TAS2R4: variants seen among roughly 807,000 people sequenced by gnomAD.
The protein encoded by TAS2R4 is taste 2 receptor member 4.
In TAS2R4, 18 loss-of-function variants were observed where a neutral mutation model predicts 14.3. That is an observed-to-expected ratio of 1.26 (90% CI 0.87 to 1.86). TAS2R4 has a LOEUF of 1.86. Ranked by LOEUF, TAS2R4 falls within the 40% of genes most tolerant of loss-of-function variation. The pLI, the probability that TAS2R4 is intolerant of heterozygous loss-of-function variation, is 0.00. For synonymous variants in TAS2R4, 130 were observed against 138.5 expected (o/e 0.94, Z 0.43); for missense variants, 306 against 342.7 (o/e 0.89, Z 0.85).
Position 141,778,481 on chromosome 7 carries a change from G to A in TAS2R4, c.-8G>A. On this transcript the variant is annotated 5_prime_UTR_variant, in exon 1 of 1. The change abolishes an upstream ATG in the 5' untranslated region. Transcript: ENST00000247881. ...GCACCACAACTGCTGAATCCTCAAT[G>A]AGTAAAGATGCTTCGGTTATTCTAT... The A allele has an allele frequency of 6.2e-7, 1 of 1,601,176 alleles. No homozygotes were observed. The highest frequency in any genetic ancestry group is 8.5e-7 in the Non-Finnish European group (1 of 1,173,840).
In TAS2R4 at chr7:141,778,851, G is replaced by C. The variant is rs1411967625; in HGVS notation, c.363G>C (p.Leu121=). 1.2e-6 allele frequency: 2 copies of C among 1,614,068 alleles called. No individual in the cohort carries two copies. Among genetic ancestry groups the C allele is most frequent in the Admixed American group, 1.7e-5 (1 of 60,006 alleles). The stretch of plus-strand genomic sequence containing the variant: ...TCCAACACTCAGTGTTTCTCCTGCT[G>C]AAGCGGAATATCTCCCCAAAGATCC... The part of the protein sequence containing the change: ...TNFQHSVFLL[L]KRNISPKIPR... The change falls in exon 1 of 1, where the codon CTG becomes CTC. Residue 121 remains leucine, a synonymous_variant. Coordinates refer to ENST00000247881, the MANE Select transcript of TAS2R4 (RefSeq NM_016944.2).
At position 141,778,569 on chromosome 7, in the gene TAS2R4, T is replaced by C; in HGVS notation, c.81T>C (p.Ile27=). The change falls in exon 1 of 1, where the codon ATT becomes ATC. Residue 27 remains isoleucine (I), a synonymous_variant. Coordinates refer to ENST00000247881, the MANE Select transcript of TAS2R4 (RefSeq NM_016944.2). The stretch of plus-strand genomic sequence containing the variant: ...TAGGAATCATTATGAATCTGTTTAT[T>C]ACAGTGGTCAATTGCAAAACTTGGG... ...NFVGIIMNLF[I]TVVNCKTWVK... The C allele has an allele frequency of 6.2e-7, 1 of 1,614,218 alleles. No homozygotes were observed. The highest frequency in any genetic ancestry group is 8.5e-7 in the Non-Finnish European group (1 of 1,180,034).
rs769543194 is a variant in TAS2R4 at position 141,779,049 on chromosome 7, C to T, written c.561C>T (p.Leu187=). Residue 187 remains leucine (L), a synonymous_variant, in exon 1 of 1, where the codon CTC becomes CTT. Transcript: ENST00000247881. ...LVVSLVLSSS[L]QFIINVTSAS... ...TTTCTTTGGTCTTGAGCTCATCTCT[C>T]CAGTTCATCATTAATGTGACTTCTG... The T allele has an allele frequency of 1.9e-6, 3 of 1,614,190 alleles. No homozygotes were observed. The highest frequency in any genetic ancestry group is 2.5e-6 in the Non-Finnish European group (3 of 1,180,028).
Position 141,781,103 on chromosome 7 carries a change from T to C in TAS2R4, c.*1715T>C, listed in dbSNP as rs566157655. ...TTGGCAGCAAATTCCATTATTGCCA[T>C]GTATGTGAGCAGAAAAGATGTATAT... On this transcript the variant is annotated 3_prime_UTR_variant, in exon 1 of 1. Coordinates refer to ENST00000247881, the MANE Select transcript of TAS2R4 (RefSeq NM_016944.2). Among the ~76,000 whole-genome samples the C allele has an allele frequency of 1.3e-5, 2 of 152,302 alleles. No homozygotes were observed. The highest frequency in any genetic ancestry group is 2.1e-4 in the South Asian group (1 of 4,804).
chr7:141,779,197 A>G lies in TAS2R4; in HGVS notation c.709A>G (p.Ile237Val). The G allele has an allele frequency of 1.2e-6, 2 of 1,614,148 alleles. No individual in the cohort carries two copies. The highest frequency in any genetic ancestry group is 1.7e-6 in the Non-Finnish European group (2 of 1,180,024). Residue 237 changes from isoleucine (I) to valine (V), a missense_variant, in exon 1 of 1, where the codon ATC (isoleucine) becomes GTC (valine). By Grantham distance (29) the Ile-to-Val change is conservative. Transcript: ENST00000247881. Reference sequence around the variant, plus strand: ...TATGAAGCTGATGGTCTATTTCCTCATCCTCTACATTCCATATTCAGTTGC... The same window carrying G: ...TATGAAGCTGATGGTCTATTTCCTCGTCCTCTACATTCCATATTCAGTTGC... ...GAMKLMVYFL[I>V]LYIPYSVATL...
In TAS2R4 at chr7:141,778,450, C is replaced by T. The variant is rs1452631989; in HGVS notation, c.-39C>T. On this transcript the variant is annotated 5_prime_UTR_variant, in exon 1 of 1. Coordinates refer to ENST00000247881, the MANE Select transcript of TAS2R4 (RefSeq NM_016944.2). ...CATTTTGGTATTTCTTCTGCCTCCA[C>T]TATCAGCACCACAACTGCTGAATCC... The T allele has an allele frequency of 6.4e-7, 1 of 1,555,892 alleles. No individual in the cohort carries two copies.
chr7:141,779,045 C>G lies in TAS2R4; in HGVS notation c.557C>G (p.Ser186Cys), dbSNP rs1387220263. ...GTGGTTTCTTTGGTCTTGAGCTCAT[C>G]TCTCCAGTTCATCATTAATGTGACT... ...SLVVSLVLSS[S>C]LQFIINVTSA... The change falls in exon 1 of 1, where the codon TCT (serine) becomes TGT (cysteine). Residue 186 changes from serine (S) to cysteine (C), a missense_variant. Transcript: ENST00000247881. 18 of 1,614,096 alleles carry G rather than the reference C, an allele frequency of 1.1e-5. No individual in the cohort carries two copies. Among genetic ancestry groups the G allele is most frequent in the Non-Finnish European group, 1.4e-5 (17 of 1,180,044 alleles).
chr7:141,778,973 C>T lies in TAS2R4; in HGVS notation c.485C>T (p.Thr162Met), dbSNP rs777861259. 1.9e-5 allele frequency: 30 copies of T among 1,614,092 alleles called. No individual in the cohort carries two copies. The highest frequency in any genetic ancestry group is 1.1e-4 in the African/African-American group (8 of 74,924). Reference sequence around the variant, plus strand: ...TCACCTTTTCCTGAACTTGTGACTACGAGAAATAACACATCATTTAATATC... The same window carrying T: ...TCACCTTTTCCTGAACTTGTGACTATGAGAAATAACACATCATTTAATATC... ...QASPFPELVT[T>M]RNNTSFNISE... Residue 162 changes from threonine (T) to methionine (M), a missense_variant, in exon 1 of 1, where the codon ACG becomes ATG. By Grantham distance (81) the Thr-to-Met change is moderately conservative. Transcript: ENST00000247881.
chr7:141,778,655 T>A lies in TAS2R4; in HGVS notation c.167T>A (p.Phe56Tyr). Residue 56 changes from phenylalanine (F) to tyrosine (Y), a missense_variant, in exon 1 of 1, where the codon TTT (phenylalanine) becomes TAT (tyrosine). Phe to Tyr is a conservative substitution (Grantham distance 22). Transcript: ENST00000247881. ...RILFSLGITR[F>Y]LMLGLFLVNT... The stretch of plus-strand genomic sequence containing the variant: ...CTGTTCAGCCTGGGCATCACCAGGT[T>A]TCTTATGCTGGGACTATTTCTGGTG... 6.2e-7 allele frequency: 1 copy of A among 1,614,204 alleles called. No individual in the cohort carries two copies. Among genetic ancestry groups the A allele is most frequent in the South Asian group, 1.1e-5 (1 of 91,084 alleles).
At position 141,778,686 on chromosome 7, in the gene TAS2R4, C is replaced by A. The variant is rs1470541454; in HGVS notation, c.198C>A (p.Thr66=). Residue 66 remains threonine, a synonymous_variant, in exon 1 of 1, where the codon ACC becomes ACA. Transcript: ENST00000247881. ...TGCTGGGACTATTTCTGGTGAACAC[C>A]ATCTACTTCGTCTCTTCAAATACGG... ...FLMLGLFLVN[T]IYFVSSNTER... is the part of the protein sequence containing the mutation. The A allele has an allele frequency of 1.2e-6, 2 of 1,614,064 alleles. No individual in the cohort carries two copies. Among genetic ancestry groups the A allele is most frequent in the Non-Finnish European group, 1.7e-6 (2 of 1,180,034 alleles).
chr7:141,778,198 C>T lies in TAS2R4; in HGVS notation c.-291C>T, dbSNP rs542199252. Among the ~76,000 whole-genome samples the T allele has an allele frequency of 6.6e-5, 10 of 152,276 alleles. No individual in the cohort carries two copies. The South Asian group carries it at 1.0e-3, about 16-fold the overall frequency. On this transcript the variant is annotated 5_prime_UTR_variant, in exon 1 of 1. Transcript: ENST00000247881. The stretch of plus-strand genomic sequence containing the variant: ...GGAGCCTGCTGTGACTCTTCCCTCT[C>T]GCCCTCCTGCTCTTGGAGGAGTGGA...
rs1800248714 is a variant in TAS2R4, at chr7:141,776,793, A to G, written c.-1696A>G. ...TTAACCATAGGTCAAATTCTCATGCATAGGGAGAAAGGGTTCTGCTAACAC... is the reference window on the plus strand; with the variant it reads ...TTAACCATAGGTCAAATTCTCATGCGTAGGGAGAAAGGGTTCTGCTAACAC... On this transcript the variant is annotated 5_prime_UTR_variant, in exon 1 of 1. Transcript: ENST00000247881. Among the ~76,000 whole-genome samples the G allele has an allele frequency of 6.6e-6, 1 of 152,128 alleles. No individual in the cohort carries two copies. The highest frequency in any genetic ancestry group is 1.5e-5 in the Non-Finnish European group (1 of 68,022).
At position 141,779,504 on chromosome 7, in the gene TAS2R4, A is replaced by G. The variant is rs1040604471; in HGVS notation, c.*116A>G. 34 of 1,057,918 alleles carry G rather than the reference A, an allele frequency of 3.2e-5. No individual in the cohort carries two copies. Among genetic ancestry groups the G allele is most frequent in the Middle Eastern group, 3.2e-4 (1 of 3,084 alleles). The allele number at this position is 1,057,918 out of a possible 1,614,324, so 65.5% of individuals were successfully genotyped here. On this transcript the variant is annotated 3_prime_UTR_variant, in exon 1 of 1. Transcript: ENST00000247881. ...GTTTTGTGATTGCTGATCTGACATC[A>G]TAGGCTTTTGAGTGCCTGAATTTCA...
rs547000531 is a variant in TAS2R4, at chr7:141,776,799, A to T, written c.-1690A>T. ...ATAGGTCAAATTCTCATGCATAGGG[A>T]GAAAGGGTTCTGCTAACACTTTTCC... On this transcript the variant is annotated 5_prime_UTR_variant, in exon 1 of 1. Transcript: ENST00000247881. Among the ~76,000 whole-genome samples, 11 of 152,078 alleles carry T rather than the reference A, an allele frequency of 7.2e-5. No individual in the cohort carries two copies. The highest frequency in any genetic ancestry group is 2.7e-4 in the African/African-American group (11 of 41,416).
chr7:141,777,730 C>T lies in TAS2R4; in HGVS notation c.-759C>T, dbSNP rs1800260966. Reference sequence around the variant, plus strand: ...CCCAGATTTATAAAGGAAACACCTACAAGGGCTGACTTAATTTTTTCTAAG... The same window carrying T: ...CCCAGATTTATAAAGGAAACACCTATAAGGGCTGACTTAATTTTTTCTAAG... On this transcript the variant is annotated 5_prime_UTR_variant, in exon 1 of 1. Coordinates refer to ENST00000247881, the MANE Select transcript of TAS2R4 (RefSeq NM_016944.2). Among the ~76,000 whole-genome samples the T allele has an allele frequency of 6.6e-6, 1 of 152,192 alleles. No homozygotes were observed. The highest frequency in any genetic ancestry group is 2.4e-5 in the African/African-American group (1 of 41,436).
chr7:141,779,228 T>G lies in TAS2R4; in HGVS notation c.740T>G (p.Leu247Arg). Reference sequence around the variant, plus strand: ...TACATTCCATATTCAGTTGCTACCCTGGTCCAGTATCTCCCCTTTTATGCA... The same window carrying G: ...TACATTCCATATTCAGTTGCTACCCGGGTCCAGTATCTCCCCTTTTATGCA... ...ILYIPYSVAT[L>R]VQYLPFYAGM... The change falls in exon 1 of 1, where the codon CTG becomes CGG. Residue 247 changes from leucine (L) to arginine (R), a missense_variant. Physicochemically the swap from Leu to Arg is moderately radical, Grantham distance 102. Coordinates refer to ENST00000247881, the MANE Select transcript of TAS2R4 (RefSeq NM_016944.2). 6.2e-7 allele frequency: 1 copy of G among 1,614,230 alleles called. No homozygotes were observed. The highest frequency in any genetic ancestry group is 1.1e-5 in the South Asian group (1 of 91,086).
rs938387797 is a variant in TAS2R4, at chr7:141,780,164, C to T, written c.*776C>T. ...CGGAGCTTGCAGTGAGATGAGATCG[C>T]GCCACTGCACTCCAGTCTGGGCGAC... On this transcript the variant is annotated 3_prime_UTR_variant, in exon 1 of 1. Coordinates refer to ENST00000247881, the MANE Select transcript of TAS2R4 (RefSeq NM_016944.2). The T allele has an allele frequency of 2.0e-5, 3 of 152,294 alleles. No homozygotes were observed. The highest frequency in any genetic ancestry group is 1.9e-4 in the East Asian group (1 of 5,190). 9.4% of individuals were successfully genotyped at this position (152,294 alleles called of 1,614,324 possible).
rs779999204 is a variant in TAS2R4 at position 141,778,986 on chromosome 7, A to G, written c.498A>G (p.Thr166=). 6 of 1,614,234 alleles carry G rather than the reference A, an allele frequency of 3.7e-6. No individual in the cohort carries two copies. In the East Asian group the frequency reaches 1.1e-4, roughly 30 times the overall value. Residue 166 remains threonine (T), a synonymous_variant, in exon 1 of 1, where the codon ACA becomes ACG. Coordinates refer to ENST00000247881, the MANE Select transcript of TAS2R4 (RefSeq NM_016944.2). ...FPELVTTRNN[T]SFNISEGILS... ...AACTTGTGACTACGAGAAATAACAC[A>G]TCATTTAATATCAGTGAGGGCATCT...
In TAS2R4 at chr7:141,778,911, T is replaced by C; in HGVS notation, c.423T>C (p.Ala141=). The C allele has an allele frequency of 6.2e-7, 1 of 1,614,222 alleles. No individual in the cohort carries two copies. The highest frequency in any genetic ancestry group is 8.5e-7 in the Non-Finnish European group (1 of 1,180,036). ...RLLLACVLIS[A]FTTCLYITLS... ...TGCTGGCCTGTGTGCTGATTTCTGC[T>C]TTCACCACTTGCCTGTACATCACGC... The change falls in exon 1 of 1, where the codon GCT becomes GCC. Residue 141 remains alanine (A), a synonymous_variant. Coordinates refer to ENST00000247881, the MANE Select transcript of TAS2R4 (RefSeq NM_016944.2).
Sources: allele counts gnomAD v4.1 joint callset (sites outside exome capture counted in the v4.1 genomes callset), GRCh38; gene constraint gnomAD v4.1.1; transcripts MANE v1.5; gene names NCBI Gene and HGNC (gene_info 2026-07-23, HGNC 2026-07-21).